NBEA: variants seen among roughly 807,000 people sequenced by gnomAD.
NBEA encodes the protein lysosomal-trafficking regulator 2.
Under a neutral mutation model 343.4 loss-of-function variants are expected in NBEA, and 44 were observed. The observed-to-expected ratio is 0.13, with a 90% confidence interval of 0.10 to 0.16. NBEA has a LOEUF of 0.16. Among genes scored for constraint, NBEA ranks in the 10% least tolerant of loss-of-function variants. The pLI is 1.00. For missense variants in NBEA, 2,555 were observed against 3,631.3 expected (o/e 0.70, Z 7.62); for synonymous variants, 1,175 against 1,238.7 (o/e 0.95, Z 1.08).
chr13:35,534,480 C>T (rs1289260670), intron 41 of NBEA, among the ~76,000 whole-genome samples: 1 of 152,194 alleles, frequency 6.6e-6, no homozygotes, highest in Non-Finnish European at 1.5e-5. Flanking sequence ...CTCCAGTGCT[C>T]TCAATGGCAT....
At chr13:35,477,312 G>T in intron 41 of NBEA, 1 of 159,074 alleles carries the variant, frequency 6.3e-6, no homozygotes. Context: ...TTCTCCATTT[G>T]TTGAATCTGA....
At chr13:35,064,031 TGGTTATGGACATA>T (rs1017627217) in intron 8 of NBEA, among the ~76,000 whole-genome samples, 42 of 152,010 alleles carry the variant, frequency 2.8e-4, no homozygotes, top group African/African-American at 8.9e-4. Context: ...ATCAAATATT[TGGTTATGGACATA>T]GGTTATGGAC....
At chr13:35,370,863 C>T (rs1169151413) in intron 38 of NBEA, among the ~76,000 whole-genome samples, 4 of 151,510 alleles carry the variant, frequency 2.6e-5, no homozygotes, top group African/African-American at 9.7e-5. Flanking sequence ...TATTTCTCCT[C>T]CATTTATAAA....
intron 40 of NBEA, among the ~76,000 whole-genome samples, chr13:35,464,634 G>T (rs1300863235): frequency 6.6e-6 from 1 of 152,108 alleles, no homozygotes; most frequent in Non-Finnish European, 1.5e-5. Context: ...TTTACTAGTT[G>T]TATGACCTCT....
At chr13:35,022,314 CTCCCTTTGTTT>C (rs1350090413) in intron 1 of NBEA, among the ~76,000 whole-genome samples, 1 of 152,064 alleles carries the variant, frequency 6.6e-6, no homozygotes, top group Non-Finnish European at 1.5e-5. Context: ...ATGATAGTCA[CTCCCTTTGTTT>C]TCCCTTCCCT....
intron 17 of NBEA, among the ~76,000 whole-genome samples, chr13:35,136,226 C>T (rs185511412): frequency 2.6e-5 from 4 of 152,260 alleles, no homozygotes; most frequent in African/African-American, 9.6e-5. Flanking sequence ...CCTACAAAGC[C>T]AACGGAATTC....
chr13:35,606,432 A>G lies in NBEA; in HGVS notation c.7303A>G (p.Ile2435Val). Residue 2435 changes from isoleucine to valine, a missense_variant, in exon 48 of 59, where the codon ATT becomes GTT. By Grantham distance (29) the Ile-to-Val change is conservative (BLOSUM62 3). Around this residue, in one of 21 missense-constraint regions of NBEA, gnomAD observed 156 missense variants for 185.8 expected, o/e 0.84. Coordinates refer to ENST00000379939, the MANE Select transcript of NBEA (RefSeq NM_001385012.1). Reference protein sequence around the residue: ...QRDTSDVKELIPEFYYLPEMF... With the variant: ...QRDTSDVKELVPEFYYLPEMF... ...TCATTTTTATTCCTGATAGGAACTA[A>G]TTCCAGAGTTCTACTACCTACCAGA... 1 of 1,476,320 alleles carries G rather than the reference A, an allele frequency of 6.8e-7. No homozygotes were observed. The highest frequency in any genetic ancestry group is 9.1e-7 in the Non-Finnish European group (1 of 1,103,344). The allele number at this position is 1,476,320 out of a possible 1,614,324, so 91.5% of individuals were successfully genotyped here. A position where few individuals can be genotyped will look rare whatever the true frequency, so the allele number is the denominator to read the frequency against.
chr13:34,957,413 C>T (rs1209754182), intron 1 of NBEA, among the ~76,000 whole-genome samples: 2 of 152,094 alleles, frequency 1.3e-5, no homozygotes, highest in Non-Finnish European at 2.9e-5. Context: ...TGTTTTGTCA[C>T]CTAAAAATCG....
intron 47 of NBEA, among the ~76,000 whole-genome samples, chr13:35,603,225 A>C (rs2082135652): frequency 6.6e-6 from 1 of 152,140 alleles, no homozygotes; most frequent in African/African-American, 2.4e-5. Context: ...TATTAAAATA[A>C]CTTCATCCAA....
chr13:35,658,667 T>C (rs2084929687), intron 55 of NBEA, among the ~76,000 whole-genome samples: 1 of 152,208 alleles, frequency 6.6e-6, no homozygotes, highest in African/African-American at 2.4e-5. Flanking sequence ...TGTACCATAC[T>C]TTAAGGATTC....
Position 35,637,983 on chromosome 13 carries a change from G to T in NBEA, c.7618-7886G>T, listed in dbSNP as rs192194633. ...TGCTACAACATGGATGAACCTTAAG[G>T]ACATTAATACTAAGTGAAACAAGCC... On this transcript the variant is annotated intron_variant, in intron 49 of 58. Coordinates refer to ENST00000379939, the MANE Select transcript of NBEA (RefSeq NM_001385012.1). Among the ~76,000 whole-genome samples the T allele has an allele frequency of 5.8e-3, 881 of 152,186 alleles. 10 individuals are homozygous for T. The highest frequency in any genetic ancestry group is 0.018 in the African/African-American group (747 of 41,522).
chr13:35,565,053 A>G (rs888274406), intron 44 of NBEA, among the ~76,000 whole-genome samples: 4 of 152,218 alleles, frequency 2.6e-5, no homozygotes, highest in East Asian at 1.9e-4. Flanking sequence ...ACAGCAATGT[A>G]TATCAGGTGT....
intron 40 of NBEA, among the ~76,000 whole-genome samples, chr13:35,460,863 A>G (rs1431739355): frequency 6.6e-6 from 1 of 152,258 alleles, no homozygotes; most frequent in Non-Finnish European, 1.5e-5. Context: ...GAGACTGAGA[A>G]GTCCAAGGTC....
At position 34,942,976 on chromosome 13, in the gene NBEA, C is replaced by G. The variant is rs779659437; in HGVS notation, c.156C>G (p.Gly52=). The part of the protein sequence containing the change: ...MGELRGASGS[G]SVMLPAGMIN... ...AGCTAAGGGGGGCGTCCGGCTCCGG[C>G]TCGGTGATGCTCCCCGCGGGGATGA... Residue 52 remains glycine, a synonymous_variant, in exon 1 of 59, where the codon GGC becomes GGG. Coordinates refer to ENST00000379939, the MANE Select transcript of NBEA (RefSeq NM_001385012.1). 1.0e-5 allele frequency: 16 copies of G among 1,605,278 alleles called. No individual in the cohort carries two copies. The African/African-American group carries it at 1.4e-4, about 14-fold the overall frequency.
At chr13:35,535,588 A>G (rs971674305) in intron 41 of NBEA, among the ~76,000 whole-genome samples, 1 of 152,112 alleles carries the variant, frequency 6.6e-6, no homozygotes, top group African/African-American at 2.4e-5. Context: ...CAACACATCT[A>G]TGTAGCACAG....
intron 38 of NBEA, among the ~76,000 whole-genome samples, chr13:35,409,579 C>A (rs1405165614): frequency 6.6e-6 from 1 of 151,956 alleles, no homozygotes; most frequent in African/African-American, 2.4e-5. Context: ...GTATTTTATG[C>A]CTAGATGTTT....
chr13:35,437,353 T>C (rs1267256717), intron 39 of NBEA, among the ~76,000 whole-genome samples: 2 of 152,206 alleles, frequency 1.3e-5, no homozygotes, highest in Non-Finnish European at 2.9e-5. Flanking sequence ...AAAATAATTT[T>C]ATTTCATATT....
chr13:35,279,186 C>T (rs2034870262), intron 34 of NBEA, among the ~76,000 whole-genome samples: 3 of 152,086 alleles, frequency 2.0e-5, no homozygotes, highest in Admixed American at 1.3e-4. Flanking sequence ...ATGAGAATAT[C>T]ACAGTTAAAG....
At chr13:35,379,459 G>T (rs1387351175) in intron 38 of NBEA, among the ~76,000 whole-genome samples, 1 of 152,038 alleles carries the variant, frequency 6.6e-6, no homozygotes, top group Admixed American at 6.6e-5. Flanking sequence ...TGAGGCATTT[G>T]TTTGATATAT....
Sources: allele counts gnomAD v4.1 joint callset (sites outside exome capture counted in the v4.1 genomes callset), GRCh38; gene constraint gnomAD v4.1.1; regional missense constraint gnomAD v4.1.1; transcripts MANE v1.5; gene names NCBI Gene and HGNC (gene_info 2026-07-23, HGNC 2026-07-21).